RAPGEF2: variants seen among roughly 807,000 people sequenced by gnomAD.
The protein encoded by RAPGEF2 is PDZ domain containing guanine nucleotide exchange factor (GEF) 1.
In RAPGEF2, 54 loss-of-function variants were observed where a neutral mutation model predicts 186.7. The ratio of observed to expected loss-of-function variants is 0.29; its 90% confidence interval spans 0.23 to 0.36. RAPGEF2 has a LOEUF of 0.36. Ranked by LOEUF, RAPGEF2 falls within the 10% of genes least tolerant of loss-of-function variation. The pLI, the probability that RAPGEF2 is intolerant of heterozygous loss-of-function variation, is 1.00. For synonymous variants in RAPGEF2, 712 were observed against 705.9 expected (o/e 1.01, Z -0.14); for missense variants, 1,532 against 2,045.0 (o/e 0.75, Z 4.84).
chr4:159,341,331 C>A (rs141007524), intron 19 of RAPGEF2, among the ~76,000 whole-genome samples: 1 of 152,130 alleles, frequency 6.6e-6, no homozygotes, highest in African/African-American at 2.4e-5. Flanking sequence ...GCAACTAGTG[C>A]GAGTGAAATT....
intron 1 of RAPGEF2, among the ~76,000 whole-genome samples, chr4:159,126,980 A>G (rs1284309234): frequency 6.6e-6 from 1 of 152,164 alleles, no homozygotes; most frequent in Non-Finnish European, 1.5e-5. Context: ...TAAAGAGGTA[A>G]CTGTGGTTTG....
At chr4:159,316,586 C>T (rs1561268080) in intron 9 of RAPGEF2, among the ~76,000 whole-genome samples, 1 of 152,116 alleles carries the variant, frequency 6.6e-6, no homozygotes, top group Admixed American at 6.5e-5. Context: ...TTCTGTTCCT[C>T]TGTTAGTTTG....
intron 1 of RAPGEF2, among the ~76,000 whole-genome samples, chr4:159,136,637 T>A (rs1741753664): frequency 2.6e-5 from 4 of 152,236 alleles, no homozygotes; most frequent in Admixed American, 2.6e-4. Flanking sequence ...AGCACACTGC[T>A]TGACATGCTA....
intron 1 of RAPGEF2, among the ~76,000 whole-genome samples, chr4:159,118,799 G>A (rs1394840786): frequency 6.6e-6 from 1 of 152,084 alleles, no homozygotes; most frequent in Non-Finnish European, 1.5e-5. Context: ...TGACCAGACT[G>A]GTCTTGGATT....
At chr4:159,309,325 C>T (rs1397429134) in intron 8 of RAPGEF2, among the ~76,000 whole-genome samples, 1 of 152,004 alleles carries the variant, frequency 6.6e-6, no homozygotes, top group Non-Finnish European at 1.5e-5. Flanking sequence ...CCAATTGAAC[C>T]AATTATTAAT....
At chr4:159,192,707 TAGTC>T (rs2111313493) in intron 2 of RAPGEF2, among the ~76,000 whole-genome samples, 1 of 152,218 alleles carries the variant, frequency 6.6e-6, no homozygotes, top group East Asian at 1.9e-4. Flanking sequence ...AGCCTCCAGT[TAGTC>T]AGTGGTCATA....
chr4:159,242,023 A>G (rs1375253457), intron 6 of RAPGEF2, among the ~76,000 whole-genome samples: 2 of 152,134 alleles, frequency 1.3e-5, no homozygotes, highest in East Asian at 1.9e-4. Flanking sequence ...GCAGGCAGAC[A>G]TAACCCAGTT....
intron 4 of RAPGEF2, among the ~76,000 whole-genome samples, chr4:159,221,793 A>G (rs188498079): frequency 3.7e-4 from 57 of 152,342 alleles, no homozygotes; most frequent in African/African-American, 1.3e-3. Context: ...TGTGACATAT[A>G]TAAGGCAAAG....
chr4:159,143,978 CT>C (rs1464358260), intron 1 of RAPGEF2, among the ~76,000 whole-genome samples: 1 of 152,130 alleles, frequency 6.6e-6, no homozygotes, highest in East Asian at 1.9e-4. Context: ...GCCCACTGGT[CT>C]TTTTATAATC....
At chr4:159,116,169 ATTT>A (rs1332243607) in intron 1 of RAPGEF2, among the ~76,000 whole-genome samples, 5 of 152,190 alleles carry the variant, frequency 3.3e-5, no homozygotes, top group Non-Finnish European at 5.9e-5. Flanking sequence ...AATGGAGAAA[ATTT>A]TTGCAATCTA....
intron 7 of RAPGEF2, among the ~76,000 whole-genome samples, chr4:159,296,734 C>T (rs572662923): frequency 6.6e-6 from 1 of 152,240 alleles, no homozygotes; most frequent in Admixed American, 6.5e-5. Context: ...ATTTTGTTAT[C>T]TTTGGAAAAA....
intron 7 of RAPGEF2, among the ~76,000 whole-genome samples, chr4:159,277,712 CATAA>C (rs1179010439): frequency 6.6e-6 from 1 of 152,210 alleles, no homozygotes; most frequent in East Asian, 1.9e-4. Flanking sequence ...CTGTTGGCTG[CATAA>C]ATGTCTTCTT....
intron 1 of RAPGEF2, among the ~76,000 whole-genome samples, chr4:159,171,111 C>T (rs1444592236): frequency 6.6e-6 from 1 of 152,044 alleles, no homozygotes; most frequent in Non-Finnish European, 1.5e-5. Context: ...ACTTTAAGAC[C>T]AGACATTATC....
chr4:159,288,557 T>A (rs1008854418), intron 7 of RAPGEF2, among the ~76,000 whole-genome samples: 1 of 152,066 alleles, frequency 6.6e-6, no homozygotes, highest in Non-Finnish European at 1.5e-5. Flanking sequence ...GCCAGAATGA[T>A]CTTATAAAAC....
chr4:159,290,073 T>C (rs1760995446), intron 7 of RAPGEF2, among the ~76,000 whole-genome samples: 1 of 152,102 alleles, frequency 6.6e-6, no homozygotes, highest in South Asian at 2.1e-4. Context: ...TCCTATCGTG[T>C]TTTAAAAGTT....
At chr4:159,328,589 G>C (rs1489373505) in intron 11 of RAPGEF2, 4 of 152,122 alleles carry the variant, frequency 2.6e-5, no homozygotes, top group Non-Finnish European at 4.4e-5. Context: ...GAAAAATATA[G>C]AAAGATACTA....
At chr4:159,116,659 C>G (rs1253951642) in intron 1 of RAPGEF2, among the ~76,000 whole-genome samples, 1 of 152,196 alleles carries the variant, frequency 6.6e-6, no homozygotes, top group Non-Finnish European at 1.5e-5. Flanking sequence ...GGAATCAATC[C>G]AAATGTCAAT....
In RAPGEF2 at chr4:159,140,146, C is replaced by G. The variant is rs192563383; in HGVS notation, c.69+35915C>G. On this transcript the variant is annotated intron_variant, in intron 1 of 29. Transcript: ENST00000691494. The stretch of plus-strand genomic sequence containing the variant: ...ACAGAGGTATTTTCTCAGATTCATT[C>G]ATTATCATGTTTAGCTTGATGTTCT... Among the ~76,000 whole-genome samples the G allele has an allele frequency of 6.1e-3, 929 of 152,258 alleles. 36 individuals are homozygous for G. The highest frequency in any genetic ancestry group is 1.5e-3 in the Non-Finnish European group (102 of 68,008).
At chr4:159,175,763 T>C (rs1021578700) in intron 1 of RAPGEF2, among the ~76,000 whole-genome samples, 1 of 152,212 alleles carries the variant, frequency 6.6e-6, no homozygotes, top group Non-Finnish European at 1.5e-5. Flanking sequence ...GTGTGAGTTT[T>C]CTGAAGCCGT....
Sources: allele counts gnomAD v4.1 joint callset (sites outside exome capture counted in the v4.1 genomes callset), GRCh38; gene constraint gnomAD v4.1.1; transcripts MANE v1.5; gene names NCBI Gene and HGNC (gene_info 2026-07-23, HGNC 2026-07-21).